Variants in MEGF11 observed in about 807,000 individuals in gnomAD.
MEGF11 encodes multiple epidermal growth factor-like domains protein 11.
Under a neutral mutation model 146.6 loss-of-function variants are expected in MEGF11, and 126 were observed. The observed-to-expected ratio is 0.86, with a 90% CI of 0.74 to 1.00. The LOEUF is 1.00. Ranked by LOEUF, MEGF11 falls within the 50% of genes least tolerant of loss-of-function variation. The probability of loss-of-function intolerance (pLI) is 0.00; values close to 1 mark genes in which losing one functional copy is unlikely to be tolerated. For synonymous variants in MEGF11, 532 were observed against 583.4 expected (o/e 0.91, Z 1.27); for missense variants, 1,509 against 1,521.2 (o/e 0.99, Z 0.13).
chr15:66,097,827 A>T (rs1158244602), intron 4 of MEGF11, among the ~76,000 whole-genome samples: 1 of 151,480 alleles, frequency 6.6e-6, no homozygotes, highest in Non-Finnish European at 1.5e-5. Context: ...CGAGGTTTGC[A>T]CCCACACGTG....
At chr15:66,087,597 G>C (rs2086162136) in intron 5 of MEGF11, among the ~76,000 whole-genome samples, 1 of 152,142 alleles carries the variant, frequency 6.6e-6, no homozygotes. Context: ...ATGAAATCAA[G>C]ATGGAAATTA....
chr15:66,105,251 A>G (rs1021518113), intron 4 of MEGF11, among the ~76,000 whole-genome samples: 5 of 152,182 alleles, frequency 3.3e-5, no homozygotes, highest in South Asian at 2.1e-4. Context: ...GTCCAGATAG[A>G]AGGAGGAGGC....
In MEGF11 at chr15:65,964,956, CCATGCAGGCCCTCCGGG is replaced by C. The variant is rs779627411; in HGVS notation, c.1047_1063del (p.Cys349TrpfsTer11). On this transcript the variant is annotated frameshift_variant, in exon 9 of 26. Transcript: ENST00000395614. LOFTEE classifies it high-confidence loss of function. ...GGGGCAGGGCAGGGTGCAGCCTGGG[CCATGCAGGCCCTCCGGG>C]CACAGTCGCTCCTGGCAGCGTGGGC... 6.4e-7 allele frequency: 1 copy of C among 1,573,850 alleles called. No individual in the cohort carries two copies. Among genetic ancestry groups the C allele is most frequent in the Non-Finnish European group, 8.6e-7 (1 of 1,160,248 alleles).
At chr15:65,959,458 C>G (rs2080780382) in intron 9 of MEGF11, among the ~76,000 whole-genome samples, 2 of 152,226 alleles carry the variant, frequency 1.3e-5, no homozygotes, top group African/African-American at 4.8e-5. Flanking sequence ...TTGGACACCA[C>G]TTTTCCTCCA....
chr15:66,008,692 C>CA (rs1266656972), intron 5 of MEGF11, among the ~76,000 whole-genome samples: 1 of 152,100 alleles, frequency 6.6e-6, no homozygotes, highest in Non-Finnish European at 1.5e-5. Flanking sequence ...GGCATGGTGG[C>CA]ATGTGCCTGT....
intron 1 of MEGF11, among the ~76,000 whole-genome samples, chr15:66,207,401 T>C (rs965917768): frequency 3.3e-5 from 5 of 152,246 alleles, no homozygotes; most frequent in Admixed American, 3.3e-4. Flanking sequence ...AAGATGTATG[T>C]CTTCAAAATG....
chr15:66,029,492 C>T (rs1460323472), intron 5 of MEGF11, among the ~76,000 whole-genome samples: 1 of 152,198 alleles, frequency 6.6e-6, no homozygotes, highest in Non-Finnish European at 1.5e-5. Flanking sequence ...TAGCACTCTT[C>T]AGTCTCAAAA....
chr15:65,998,259 G>C (rs1287886247), intron 5 of MEGF11, among the ~76,000 whole-genome samples: 1 of 152,186 alleles, frequency 6.6e-6, no homozygotes, highest in East Asian at 1.9e-4. Flanking sequence ...TGGTAGGCCA[G>C]TGCCTGCTCG....
intron 5 of MEGF11, among the ~76,000 whole-genome samples, chr15:66,065,738 T>A (rs2085096184): frequency 6.6e-6 from 1 of 152,190 alleles, no homozygotes; most frequent in South Asian, 2.1e-4. Context: ...AAATGAGATT[T>A]TTTCCCCCTA....
intron 7 of MEGF11, chr15:65,970,941 G>A (rs1342256050): frequency 3.9e-6 from 2 of 518,444 alleles, no homozygotes; most frequent in East Asian, 3.3e-5. Flanking sequence ...AGACACTAGG[G>A]GTGATTCGAT....
At chr15:66,196,110 C>T (rs750853877) in intron 1 of MEGF11, among the ~76,000 whole-genome samples, 1 of 151,936 alleles carries the variant, frequency 6.6e-6, no homozygotes, top group East Asian at 1.9e-4. Flanking sequence ...TGGCTGGAAC[C>T]GGGGGAGAAC....
chr15:66,171,480 C>A (rs1025623128), intron 1 of MEGF11, among the ~76,000 whole-genome samples: 3 of 152,136 alleles, frequency 2.0e-5, no homozygotes, highest in African/African-American at 7.2e-5. Context: ...TGGTCCCTCA[C>A]CCTACATGGG....
At chr15:65,939,492 CTTTTTTTTTT>C (rs869271515) in intron 10 of MEGF11, among the ~76,000 whole-genome samples, 1 of 135,018 alleles carries the variant, frequency 7.4e-6, no homozygotes, top group Non-Finnish European at 1.6e-5. Flanking sequence ...CAGCTCCCAA[CTTTTTTTTTT>C]TTTTTTTTTG....
chr15:66,172,825 A>G (rs2090296410), intron 1 of MEGF11, among the ~76,000 whole-genome samples: 1 of 152,220 alleles, frequency 6.6e-6, no homozygotes, highest in South Asian at 2.1e-4. Context: ...CTCAGACAGG[A>G]CTGCAGCTTG....
chr15:66,052,140 CAA>C (rs1307128294), intron 5 of MEGF11, among the ~76,000 whole-genome samples: 1 of 152,186 alleles, frequency 6.6e-6, no homozygotes, highest in Non-Finnish European at 1.5e-5. Context: ...CGCTGCTCCT[CAA>C]AGAGAGGCAT....
intron 10 of MEGF11, among the ~76,000 whole-genome samples, chr15:65,951,879 G>A (rs1207685349): frequency 6.6e-6 from 1 of 151,762 alleles, no homozygotes; most frequent in Non-Finnish European, 1.5e-5. Flanking sequence ...GTACATGCCT[G>A]TATTCTCAGC....
At chr15:66,013,550 T>C (rs1413676040) in intron 5 of MEGF11, among the ~76,000 whole-genome samples, 1 of 152,122 alleles carries the variant, frequency 6.6e-6, no homozygotes, top group Non-Finnish European at 1.5e-5. Context: ...GAGGAACAGA[T>C]GTAGGAGGAA....
intron 1 of MEGF11, among the ~76,000 whole-genome samples, chr15:66,184,227 A>G (rs920541203): frequency 6.6e-6 from 1 of 152,162 alleles, no homozygotes; most frequent in Non-Finnish European, 1.5e-5. Context: ...ATATGCATCA[A>G]TTATACCTCC....
At chr15:66,056,024 C>T (rs1567220850) in intron 5 of MEGF11, among the ~76,000 whole-genome samples, 2 of 152,088 alleles carry the variant, frequency 1.3e-5, no homozygotes. Flanking sequence ...TGGTCCTAAA[C>T]CAGCAGCAGC....
Sources: allele counts gnomAD v4.1 joint callset (sites outside exome capture counted in the v4.1 genomes callset), GRCh38; gene constraint gnomAD v4.1.1; transcripts MANE v1.5; gene names NCBI Gene and HGNC (gene_info 2026-07-23, HGNC 2026-07-21).